WWC1: variants seen among roughly 807,000 people sequenced by gnomAD.
WWC1 encodes the protein WW and C2 domain containing 1, also known as protein KIBRA.
Under a neutral mutation model 138.4 loss-of-function variants are expected in WWC1, and 55 were observed. The observed-to-expected ratio is 0.40, with a 90% CI of 0.32 to 0.50. The LOEUF (loss-of-function observed/expected upper bound fraction) is 0.50, where lower values mean the gene tolerates loss of function less well. Ranked by LOEUF, WWC1 falls within the 20% of genes least tolerant of loss-of-function variation. The pLI, the probability that WWC1 is intolerant of heterozygous loss-of-function variation, is 0.72. For missense variants in WWC1, 1,226 were observed against 1,420.4 expected (o/e 0.86, Z 2.20); for synonymous variants, 524 against 564.9 (o/e 0.93, Z 1.03).
chr5:168,315,540 T>C (rs1306870637), intron 1 of WWC1, among the ~76,000 whole-genome samples: 1 of 151,984 alleles, frequency 6.6e-6, no homozygotes, highest in Non-Finnish European at 1.5e-5. Context: ...CTTTGTCCCA[T>C]CTTGTGTAGG....
intron 19 of WWC1, among the ~76,000 whole-genome samples, chr5:168,457,663 C>G (rs1756457891): frequency 6.6e-6 from 1 of 152,204 alleles, no homozygotes; most frequent in South Asian, 2.1e-4. Context: ...CAGACCACAG[C>G]CAAAATCACA....
intron 1 of WWC1, among the ~76,000 whole-genome samples, chr5:168,317,885 T>C (rs1032897315): frequency 1.3e-5 from 2 of 152,188 alleles, no homozygotes; most frequent in African/African-American, 4.8e-5. Context: ...GTTATCAGTG[T>C]AATGCAATAG....
chr5:168,362,509 A>T (rs1775956305), intron 1 of WWC1, among the ~76,000 whole-genome samples: 1 of 152,210 alleles, frequency 6.6e-6, no homozygotes, highest in African/African-American at 2.4e-5. Context: ...GTGCATCCAG[A>T]CAGTGCCTGT....
At chr5:168,411,808 A>G (rs1224622064) in intron 8 of WWC1, 1 of 237,084 alleles carries the variant, frequency 4.2e-6, no homozygotes, top group African/African-American at 2.3e-5. Flanking sequence ...GGGGGTGGGC[A>G]AAATTAGGAT....
chr5:168,464,769 G>T lies in WWC1; in HGVS notation c.2957G>T (p.Arg986Leu), dbSNP rs777482969. ...VKSLRSERLI[R>L]TSLDLELDLQ... ...TCGCTGCGCTCCGAGCGTCTGATCC[G>T]TACCTCGCTGGACCTGGAGTTAGAC... Residue 986 changes from arginine (R) to leucine (L), a missense_variant, in exon 21 of 23, where the codon CGT becomes CTT. Coordinates refer to ENST00000265293, the MANE Select transcript of WWC1 (RefSeq NM_015238.3). 2.5e-6 allele frequency: 4 copies of T among 1,614,134 alleles called. No individual in the cohort carries two copies. The highest frequency in any genetic ancestry group is 1.7e-5 in the Admixed American group (1 of 60,028).
At chr5:168,337,211 C>T (rs1773554070) in intron 1 of WWC1, among the ~76,000 whole-genome samples, 1 of 152,206 alleles carries the variant, frequency 6.6e-6, no homozygotes, top group Admixed American at 6.5e-5. Flanking sequence ...TCCCCACTCC[C>T]ACTGGTACAC....
In WWC1 at chr5:168,459,522, A is replaced by G. The variant is rs530510751; in HGVS notation, c.2824-1128A>G. Among the ~76,000 whole-genome samples the G allele has an allele frequency of 4.7e-4, 71 of 152,236 alleles. 1 individual carries two copies. Among genetic ancestry groups the G allele is most frequent in the Admixed American group, 1.6e-3 (25 of 15,298 alleles). On this transcript the variant is annotated intron_variant, in intron 19 of 22. Coordinates refer to ENST00000265293, the MANE Select transcript of WWC1 (RefSeq NM_015238.3). ...TTAATCTCTCTGGGCCTCAGTTCCC[A>G]TCATGTTAGGATTGTCTGAGGATTA...
chr5:168,320,894 A>G (rs910434591), intron 1 of WWC1, among the ~76,000 whole-genome samples: 21 of 152,304 alleles, frequency 1.4e-4, no homozygotes, highest in African/African-American at 5.1e-4. Flanking sequence ...ACCAGAAGAC[A>G]GGAACAAGGC....
intron 5 of WWC1, among the ~76,000 whole-genome samples, chr5:168,403,714 C>T (rs540505035): frequency 5.3e-5 from 8 of 151,872 alleles, no homozygotes; most frequent in Admixed American, 2.0e-4. Flanking sequence ...CTACAAAGCA[C>T]GAGCCCTGCC....
chr5:168,456,839 G>T (rs1756373597), intron 19 of WWC1, among the ~76,000 whole-genome samples: 1 of 152,030 alleles, frequency 6.6e-6, no homozygotes, highest in Admixed American at 6.6e-5. Context: ...GATAGAATGT[G>T]GTTGTAATTT....
chr5:168,382,783 G>C (rs1582104327), intron 2 of WWC1, among the ~76,000 whole-genome samples: 1 of 152,200 alleles, frequency 6.6e-6, no homozygotes, highest in African/African-American at 2.4e-5. Context: ...ATGAGGGGCA[G>C]TTTTTTGTAG....
At chr5:168,394,787 G>A (rs1778769793) in intron 3 of WWC1, among the ~76,000 whole-genome samples, 2 of 152,126 alleles carry the variant, frequency 1.3e-5, no homozygotes, top group African/African-American at 2.4e-5. Context: ...ACAAAGGAGA[G>A]GCTGATGACC....
chr5:168,392,659 A>C (rs968161471), intron 3 of WWC1, among the ~76,000 whole-genome samples: 3 of 152,210 alleles, frequency 2.0e-5, no homozygotes, highest in Non-Finnish European at 2.9e-5. Context: ...TGTACATTGC[A>C]CTTCAGCCTG....
chr5:168,353,293 T>C (rs556257615), intron 1 of WWC1, among the ~76,000 whole-genome samples: 1 of 152,368 alleles, frequency 6.6e-6, no homozygotes, highest in South Asian at 2.1e-4. Context: ...GGAGGTACCC[T>C]GTGACCTGGC....
Position 168,441,854 on chromosome 5 carries a change from G to T in WWC1, c.2433+20G>T. ...AGCACGGTGAGCTGGGACCAGGTGT[G>T]CCACCTTCCCACAAGGCCGCACCCG... On this transcript the variant is annotated intron_variant, in intron 16 of 22. Coordinates refer to ENST00000265293, the MANE Select transcript of WWC1 (RefSeq NM_015238.3). The T allele has an allele frequency of 6.2e-7, 1 of 1,608,708 alleles. No homozygotes were observed. The highest frequency in any genetic ancestry group is 2.2e-5 in the East Asian group (1 of 44,744).
intron 1 of WWC1, among the ~76,000 whole-genome samples, chr5:168,345,276 T>C (rs1484811227): frequency 6.6e-6 from 1 of 152,182 alleles, no homozygotes; most frequent in Admixed American, 6.5e-5. Context: ...GGCTAATTTT[T>C]GTATTTTTAA....
chr5:168,406,647 A>G (rs1376124902), intron 6 of WWC1, among the ~76,000 whole-genome samples: 1 of 152,044 alleles, frequency 6.6e-6, no homozygotes, highest in Non-Finnish European at 1.5e-5. Context: ...TTTATTTTTT[A>G]ATAGGGAGAG....
Position 168,397,743 on chromosome 5 carries a change from C to A in WWC1, c.453C>A (p.Ser151=), listed in dbSNP as rs143569513. 19 of 1,613,824 alleles carry A rather than the reference C, an allele frequency of 1.2e-5. No individual in the cohort carries two copies. The highest frequency in any genetic ancestry group is 1.6e-5 in the Non-Finnish European group (19 of 1,179,942). The change falls in exon 4 of 23, where the codon TCC becomes TCA. Residue 151 remains serine (S), a synonymous_variant. Coordinates refer to ENST00000265293, the MANE Select transcript of WWC1 (RefSeq NM_015238.3). The part of the protein sequence containing the change: ...SQVSLVSGSS[S]SSKYDPEILK... ...TTACAGTGGTCTCTGGTTCATCATC[C>A]AGCTCCAAGTATGACCCTGAGATCC... is the stretch of plus-strand genomic sequence containing the variant.
intron 21 of WWC1, among the ~76,000 whole-genome samples, chr5:168,467,140 C>A (rs533622184): frequency 1.3e-5 from 2 of 152,310 alleles, no homozygotes; most frequent in Non-Finnish European, 2.9e-5. Context: ...CGCCTGTAGT[C>A]CCAGCTACTT....
Sources: allele counts gnomAD v4.1 joint callset (sites outside exome capture counted in the v4.1 genomes callset), GRCh38; gene constraint gnomAD v4.1.1; transcripts MANE v1.5; gene names NCBI Gene and HGNC (gene_info 2026-07-23, HGNC 2026-07-21).